SLIT3: variants seen among roughly 807,000 people sequenced by gnomAD.
SLIT3 encodes the protein slit homolog 3 protein.
Under a neutral mutation model 184.0 loss-of-function variants are expected in SLIT3, and 68 were observed. That is an observed-to-expected ratio of 0.37 (90% CI 0.30 to 0.45). The LOEUF (loss-of-function observed/expected upper bound fraction) is 0.45, where lower values mean the gene tolerates loss of function less well. SLIT3 is among the 20% of genes least tolerant of loss of function. The probability of loss-of-function intolerance (pLI) is 1.00; values close to 1 mark genes in which losing one functional copy is unlikely to be tolerated. For missense variants in SLIT3, 1,707 were observed against 2,026.0 expected, an observed-to-expected ratio of 0.84 and a Z score of 3.02; for synonymous variants, 831 against 828.6, an observed-to-expected ratio of 1.00 and a Z score of -0.05.
chr5:168,878,717 C>CTTT (rs35132944), intron 5 of SLIT3, among the ~76,000 whole-genome samples: 40,849 of 140,426 alleles, frequency 0.29, 6,649 homozygotes, highest in Non-Finnish European at 0.36. Context: ...CAGTTTCTTC[C>CTTT]TTTTTTTTTT....
chr5:168,852,987 G>A (rs904078189), intron 5 of SLIT3, among the ~76,000 whole-genome samples: 5 of 152,096 alleles, frequency 3.3e-5, no homozygotes, highest in African/African-American at 9.7e-5. Context: ...CTCTCCTTCA[G>A]CTCTGAAGTT....
At chr5:168,862,678 G>GTTT (rs543314671) in intron 5 of SLIT3, among the ~76,000 whole-genome samples, 44 of 141,312 alleles carry the variant, frequency 3.1e-4, no homozygotes, top group South Asian at 1.3e-3. Flanking sequence ...TTTGTTTGTT[G>GTTT]TTTTTTTTTT....
chr5:169,223,544 G>C (rs1249175373), intron 3 of SLIT3, among the ~76,000 whole-genome samples: 3 of 152,166 alleles, frequency 2.0e-5, no homozygotes, highest in Non-Finnish European at 4.4e-5. Context: ...ATTTAGCTCT[G>C]TTCAGGCCTC....
At chr5:169,233,340 G>C (rs1021186675) in intron 3 of SLIT3, among the ~76,000 whole-genome samples, 1 of 151,998 alleles carries the variant, frequency 6.6e-6, no homozygotes, top group Admixed American at 6.6e-5. Context: ...GTATTTTTTG[G>C]TGCTATTGTA....
chr5:169,182,727 C>T (rs1157804919), intron 4 of SLIT3, among the ~76,000 whole-genome samples: 1 of 152,170 alleles, frequency 6.6e-6, no homozygotes, highest in Non-Finnish European at 1.5e-5. Context: ...GGGTTCTGCT[C>T]ACCTCAAAAG....
intron 4 of SLIT3, among the ~76,000 whole-genome samples, chr5:169,190,990 T>TA (rs947051091): frequency 1.3e-4 from 20 of 152,134 alleles, no homozygotes; most frequent in Admixed American, 2.6e-4. Context: ...GCTGCTTCAG[T>TA]AAAAAAAATT....
In SLIT3 at chr5:168,858,176, G is replaced by A. The variant is rs540556674; in HGVS notation, c.486-13521C>T. Among the ~76,000 whole-genome samples, 105 of 152,318 alleles carry A rather than the reference G, an allele frequency of 6.9e-4. No individual in the cohort carries two copies. The Middle Eastern group carries it at 0.01, about 15-fold the overall frequency. On this transcript the variant is annotated intron_variant, in intron 5 of 35. Coordinates refer to ENST00000519560, the MANE Select transcript of SLIT3 (RefSeq NM_003062.4). ...TGGAAAAATGAGAGTCTAGAAGTGC[G>A]GAACACAGTCTCTGAAGGAGGAAGA...
chr5:169,261,608 C>T (rs1300766743), intron 1 of SLIT3, among the ~76,000 whole-genome samples: 5 of 152,066 alleles, frequency 3.3e-5, no homozygotes, highest in Non-Finnish European at 7.4e-5. Context: ...TAAACACCTA[C>T]TCCAGACCTG....
At chr5:168,991,161 T>A (rs1156925212) in intron 4 of SLIT3, among the ~76,000 whole-genome samples, 4 of 152,248 alleles carry the variant, frequency 2.6e-5, no homozygotes, top group African/African-American at 7.2e-5. Context: ...TAACTCATAA[T>A]AGCTAATGTT....
chr5:168,718,806 C>T (rs1289076067), intron 23 of SLIT3, among the ~76,000 whole-genome samples: 3 of 151,406 alleles, frequency 2.0e-5, no homozygotes, highest in African/African-American at 7.3e-5. Context: ...CACTTTTTGG[C>T]CTTTGTCTAC....
chr5:168,820,104 T>C (rs542262365), intron 7 of SLIT3, among the ~76,000 whole-genome samples: 50 of 152,268 alleles, frequency 3.3e-4, no homozygotes, highest in Admixed American at 1.0e-3. Flanking sequence ...CATAATGGCA[T>C]GAAATTAGAG....
chr5:168,882,845 C>T (rs982725337), intron 5 of SLIT3, among the ~76,000 whole-genome samples: 8 of 152,158 alleles, frequency 5.3e-5, no homozygotes, highest in Non-Finnish European at 8.8e-5. Context: ...GCACCATCAT[C>T]GTCAAGGTTC....
intron 4 of SLIT3, among the ~76,000 whole-genome samples, chr5:169,060,852 T>C (rs1001981461): frequency 1.3e-5 from 2 of 152,230 alleles, no homozygotes; most frequent in Non-Finnish European, 2.9e-5. Context: ...CAAGTGCCTC[T>C]GGGAAAATCA....
intron 5 of SLIT3, among the ~76,000 whole-genome samples, chr5:168,852,367 T>A (rs1396441575): frequency 6.6e-6 from 1 of 152,244 alleles, no homozygotes; most frequent in African/African-American, 2.4e-5. Context: ...TTCAGAAAAT[T>A]TTCCCACTGG....
intron 4 of SLIT3, among the ~76,000 whole-genome samples, chr5:168,945,027 G>A (rs1762429771): frequency 6.6e-6 from 1 of 152,128 alleles, no homozygotes; most frequent in Non-Finnish European, 1.5e-5. Context: ...GAGGAAGGAG[G>A]GAAGGAGAGG....
chr5:168,712,533 A>C, intron 23 of SLIT3, 179 bp from the exon 24 acceptor site: 1 of 613,028 alleles, frequency 1.6e-6, no homozygotes. Context: ...CCAGCTCAGC[A>C]GCAAGGATGG....
At chr5:169,034,492 AT>A (rs777989949) in intron 4 of SLIT3, among the ~76,000 whole-genome samples, 2 of 152,216 alleles carry the variant, frequency 1.3e-5, no homozygotes, top group African/African-American at 2.4e-5. Flanking sequence ...TCTCAGCACC[AT>A]TTATTGAACA....
intron 4 of SLIT3, among the ~76,000 whole-genome samples, chr5:169,097,926 A>G (rs578098021): frequency 3.2e-4 from 49 of 152,366 alleles, no homozygotes; most frequent in African/African-American, 1.1e-3. Flanking sequence ...TTTTAAAAAT[A>G]TAAGTAGGGA....
chr5:168,994,801 C>T (rs562267186), intron 4 of SLIT3, among the ~76,000 whole-genome samples: 2 of 151,614 alleles, frequency 1.3e-5, no homozygotes, highest in East Asian at 3.9e-4. Flanking sequence ...ACCAATCATG[C>T]CCAGTTAATG....
Sources: gnomAD v4.1 joint callset for allele counts (sites outside exome capture counted in the v4.1 genomes callset) on GRCh38, gnomAD v4.1.1 for gene constraint, MANE v1.5 for transcripts, NCBI Gene and HGNC (gene_info 2026-07-23, HGNC 2026-07-21) for gene names.